NEU3: variants seen among roughly 807,000 people sequenced by gnomAD.
The protein encoded by NEU3 is sialidase-3.
In NEU3, 10 loss-of-function variants were observed where a neutral mutation model predicts 11.4. The observed-to-expected ratio is 0.88, with a 90% confidence interval of 0.54 to 1.49. The LOEUF (loss-of-function observed/expected upper bound fraction) is 1.49, where lower values mean the gene tolerates loss of function less well. Ranked by LOEUF, NEU3 falls within the 40% of genes most tolerant of loss-of-function variation. NEU3 has a pLI of 0.00. For synonymous variants in NEU3, 212 were observed against 228.2 expected (o/e 0.93, Z 0.64); for missense variants, 529 against 581.8 (o/e 0.91, Z 0.93).
upstream of NEU3, among the ~76,000 whole-genome samples, chr11:74,985,802 G>A (rs765545398): frequency 6.6e-6 from 1 of 152,212 alleles, no homozygotes; most frequent in African/African-American, 2.4e-5. Context: ...TAATGTTTCT[G>A]TCCAGGGAGC....
At chr11:74,986,135 G>C (rs1948664364), upstream of NEU3, among the ~76,000 whole-genome samples, 1 of 152,178 alleles carries the variant, frequency 6.6e-6, no homozygotes, top group Non-Finnish European at 1.5e-5. Flanking sequence ...TATTTTGTTT[G>C]TGAAGATAAT....
downstream of NEU3, among the ~76,000 whole-genome samples, chr11:75,013,475 G>A (rs1342229140): frequency 6.6e-6 from 1 of 152,218 alleles, no homozygotes; most frequent in African/African-American, 2.4e-5. Flanking sequence ...GTGGACGACC[G>A]TCATGCCTTG....
intron 1 of NEU3, among the ~76,000 whole-genome samples, chr11:74,989,719 G>A (rs1422487007): frequency 1.3e-5 from 2 of 152,154 alleles, no homozygotes; most frequent in East Asian, 3.8e-4. Context: ...CTGAGAAGTA[G>A]GCGGTATTAT....
chr11:75,006,777 TA>T lies in NEU3; in HGVS notation c.*289del. 1 of 344,738 alleles carries T rather than the reference TA, an allele frequency of 2.9e-6. No homozygotes were observed. 21.4% of individuals were successfully genotyped at this position (344,738 alleles called of 1,614,324 possible). A position where few individuals can be genotyped will look rare whatever the true frequency, so the allele number is the denominator to read the frequency against. ...TCTCTGGACCTCAGGTTTCCATCTG[TA>T]AAATGAGAGTATTGGTTCTAAGATT... is the stretch of plus-strand genomic sequence containing the variant. On this transcript the variant is annotated 3_prime_UTR_variant, in exon 3 of 3. Transcript: ENST00000294064.
upstream of NEU3, among the ~76,000 whole-genome samples, chr11:74,985,278 A>AT (rs966196831): frequency 2.6e-5 from 4 of 152,144 alleles, no homozygotes; most frequent in African/African-American, 7.2e-5. Flanking sequence ...TGCCATTAAA[A>AT]ATATATATAT....
At chr11:74,990,330 T>A (rs2140232364) in intron 1 of NEU3, among the ~76,000 whole-genome samples, 1 of 152,236 alleles carries the variant, frequency 6.6e-6, no homozygotes, top group Admixed American at 6.5e-5. Flanking sequence ...GTGCTTCTCC[T>A]TTGGTGATTA....
Position 75,006,652 on chromosome 11 carries a change from A to G in NEU3, c.*160A>G. 7 of 781,294 alleles carry G rather than the reference A, an allele frequency of 9.0e-6. No individual in the cohort carries two copies. In the East Asian group the frequency reaches 1.9e-4, roughly 21 times the overall value. 48.4% of individuals were successfully genotyped at this position (781,294 alleles called of 1,614,324 possible). Reference sequence around the variant, plus strand: ...GCAAAATGAAAATTTTGCCTTAGCTACTGCAGTGGAAAGAGCACTGAACTA... The same window carrying G: ...GCAAAATGAAAATTTTGCCTTAGCTGCTGCAGTGGAAAGAGCACTGAACTA... On this transcript the variant is annotated 3_prime_UTR_variant, in exon 3 of 3. Coordinates refer to ENST00000294064, the MANE Select transcript of NEU3 (RefSeq NM_006656.6).
intron 3 of NEU3, among the ~76,000 whole-genome samples, chr11:75,017,814 C>G (rs1045137143): frequency 6.6e-6 from 1 of 152,134 alleles, no homozygotes; most frequent in Non-Finnish European, 1.5e-5. Context: ...CTGTACTGAA[C>G]AATGGGGGCC....
chr11:74,984,116 A>G (rs1009283266), upstream of NEU3, among the ~76,000 whole-genome samples: 6 of 152,228 alleles, frequency 3.9e-5, no homozygotes, highest in African/African-American at 1.2e-4. Flanking sequence ...GGGAGAATTC[A>G]TCAAAAGCCA....
intron 1 of NEU3, among the ~76,000 whole-genome samples, chr11:74,989,498 C>A (rs1285227624): frequency 6.6e-6 from 1 of 152,050 alleles, no homozygotes; most frequent in Admixed American, 6.6e-5. Flanking sequence ...TGTGGAGTGG[C>A]GTTCAGTAAG....
intron 1 of NEU3, 30 bp downstream of exon 1, chr11:74,989,184 C>T (rs895165175): frequency 2.0e-6 from 3 of 1,517,026 alleles, no homozygotes; most frequent in Non-Finnish European, 2.7e-6. Flanking sequence ...AGGAGAGCTC[C>T]CCGAGGAGGA....
At chr11:75,014,309 C>G (rs757904135), downstream of NEU3, among the ~76,000 whole-genome samples, 1 of 152,182 alleles carries the variant, frequency 6.6e-6, no homozygotes, top group Non-Finnish European at 1.5e-5. Context: ...GCCTCAGACA[C>G]GAGGCAGATC....
At chr11:75,012,181 C>T (rs780569540), downstream of NEU3, among the ~76,000 whole-genome samples, 3 of 152,144 alleles carry the variant, frequency 2.0e-5, no homozygotes, top group East Asian at 3.8e-4. Flanking sequence ...CTCACATCCT[C>T]GTAGCCTAAA....
At chr11:74,993,811 A>T (rs1164573867) in intron 1 of NEU3, among the ~76,000 whole-genome samples, 1 of 152,112 alleles carries the variant, frequency 6.6e-6, no homozygotes. Flanking sequence ...AAGGGGGCTG[A>T]TTATGCTAGC....
At chr11:75,017,432 G>T (rs1243915634) in intron 3 of NEU3, among the ~76,000 whole-genome samples, 2 of 152,212 alleles carry the variant, frequency 1.3e-5, no homozygotes, top group Non-Finnish European at 2.9e-5. Flanking sequence ...CCATACAGAA[G>T]TATCTGGCCA....
upstream of NEU3, chr11:74,988,085 A>G (rs958666143): frequency 6.6e-6 from 1 of 151,838 alleles, no homozygotes; most frequent in Non-Finnish European, 1.5e-5. Context: ...CACGAATTCA[A>G]ATTTACAGAA....
At chr11:75,014,350 T>C (rs562013799), downstream of NEU3, among the ~76,000 whole-genome samples, 2 of 152,284 alleles carry the variant, frequency 1.3e-5, no homozygotes, top group East Asian at 3.9e-4. Flanking sequence ...TAGATTCTGT[T>C]TGGGACTACA....
downstream of NEU3, among the ~76,000 whole-genome samples, chr11:75,011,878 G>C (rs1301407683): frequency 1.3e-5 from 2 of 151,556 alleles, no homozygotes; most frequent in African/African-American, 2.4e-5. Flanking sequence ...TGCCTCTATT[G>C]CCTCAAGAAG....
chr11:75,017,532 C>T (rs1189822207), intron 3 of NEU3, among the ~76,000 whole-genome samples: 1 of 152,218 alleles, frequency 6.6e-6, no homozygotes, highest in Non-Finnish European at 1.5e-5. Context: ...GGCACCTTTT[C>T]TAATTAGCAC....
Sources: gnomAD v4.1 joint callset for allele counts (sites outside exome capture counted in the v4.1 genomes callset) on GRCh38, gnomAD v4.1.1 for gene constraint, MANE v1.5 for transcripts, NCBI Gene and HGNC (gene_info 2026-07-23, HGNC 2026-07-21) for gene names.